The following CNTN5 variants were observed in gnomAD, a reference collection of about 807,000 sequenced individuals.
The protein encoded by CNTN5 is contactin-5.
CNTN5 carries 77 observed loss-of-function variants against 129.1 expected under a neutral mutation model. That is an observed-to-expected ratio of 0.60 (90% CI 0.50 to 0.72). The LOEUF is 0.72. CNTN5 is among the 30% of genes least tolerant of loss of function. The pLI is 0.00. For synonymous variants in CNTN5, 509 were observed against 465.6 expected (o/e 1.09, Z -1.20); for missense variants, 1,478 against 1,328.8 (o/e 1.11, Z -1.75).
chr11:99,175,686 T>A (rs894211649), intron 1 of CNTN5, among the ~76,000 whole-genome samples: 1 of 152,158 alleles, frequency 6.6e-6, no homozygotes, highest in African/African-American at 2.4e-5. Flanking sequence ...AAACTTTCCC[T>A]ATTGATGGAC....
intron 2 of CNTN5, among the ~76,000 whole-genome samples, chr11:99,440,693 T>G (rs2135146489): frequency 6.6e-6 from 1 of 152,220 alleles, no homozygotes; most frequent in South Asian, 2.1e-4. Context: ...TCTGGATGCT[T>G]AATATTTGGC....
intron 15 of CNTN5, among the ~76,000 whole-genome samples, chr11:100,218,708 A>G (rs892181981): frequency 6.6e-6 from 1 of 152,246 alleles, no homozygotes; most frequent in South Asian, 2.1e-4. Context: ...AGGTCTTAAC[A>G]TATGAGATAT....
intron 1 of CNTN5, among the ~76,000 whole-genome samples, chr11:99,174,318 G>C (rs1307312516): frequency 6.6e-6 from 1 of 152,084 alleles, no homozygotes; most frequent in African/African-American, 2.4e-5. Flanking sequence ...CTAAGACACT[G>C]TTTCCTCTGT....
chr11:100,187,752 C>T (rs996116317), intron 13 of CNTN5, among the ~76,000 whole-genome samples: 2 of 152,118 alleles, frequency 1.3e-5, no homozygotes, highest in Non-Finnish European at 2.9e-5. Context: ...AAGAATGAAA[C>T]TGGACCCCTA....
At chr11:100,040,008 G>A (rs1296071251) in intron 9 of CNTN5, among the ~76,000 whole-genome samples, 1 of 152,170 alleles carries the variant, frequency 6.6e-6, no homozygotes, top group East Asian at 1.9e-4. Flanking sequence ...TCTGTTGCTG[G>A]TGAGGAGCTG....
rs528349462 is a variant in CNTN5, at chr11:99,947,088, G to T, written c.674-9718G>T. On this transcript the variant is annotated intron_variant, in intron 7 of 24. Coordinates refer to ENST00000524871, the MANE Select transcript of CNTN5 (RefSeq NM_014361.4). ...ACAAAATTAGAAAAAATATAAACAT[G>T]ATTATAAAAATTAAAAACTATGTGA... 8.9e-5 allele frequency among the ~76,000 whole-genome samples: 13 copies of T among 145,754 alleles called. No individual in the cohort carries two copies. In the East Asian group the frequency reaches 2.6e-3, roughly 29 times the overall value.
At chr11:100,021,261 T>TA (rs1941127295) in intron 9 of CNTN5, among the ~76,000 whole-genome samples, 3 of 152,302 alleles carry the variant, frequency 2.0e-5, no homozygotes, top group Middle Eastern at 3.4e-3. Context: ...GTAAATGACT[T>TA]ATGTGCACAT....
rs532319633 is a variant in CNTN5, at chr11:99,351,360, A to T, written c.-71+25876A>T. The stretch of plus-strand genomic sequence containing the variant: ...AGACACTAATGCTTACAGAGTCTGA[A>T]CAACTTTCCCTGCCAAGCTTGTGCA... On this transcript the variant is annotated intron_variant, in intron 2 of 24. Transcript: ENST00000524871. 2.5e-4 allele frequency among the ~76,000 whole-genome samples: 38 copies of T among 152,336 alleles called. 1 individual carries two copies. Among genetic ancestry groups the T allele is most frequent in the Admixed American group, 2.2e-3 (34 of 15,306 alleles).
At chr11:99,141,806 G>A (rs1859529543) in intron 1 of CNTN5, among the ~76,000 whole-genome samples, 1 of 152,084 alleles carries the variant, frequency 6.6e-6, no homozygotes, top group Non-Finnish European at 1.5e-5. Context: ...GAATGGTTTT[G>A]AGAAACCCGC....
chr11:99,868,229 A>C (rs534526226), intron 6 of CNTN5, among the ~76,000 whole-genome samples: 1 of 152,244 alleles, frequency 6.6e-6, no homozygotes, highest in South Asian at 2.1e-4. Context: ...AAAAAAAAAA[A>C]AACAAAAAAT....
intron 2 of CNTN5, among the ~76,000 whole-genome samples, chr11:99,339,830 G>T (rs963543933): frequency 9.2e-5 from 14 of 151,702 alleles, no homozygotes; most frequent in Admixed American, 8.5e-4. Context: ...GTATTTGATT[G>T]GACTAGAGAA....
intron 7 of CNTN5, among the ~76,000 whole-genome samples, chr11:99,953,528 A>C (rs192200179): frequency 6.6e-6 from 1 of 152,286 alleles, no homozygotes; most frequent in African/African-American, 2.4e-5. Context: ...TAAGAACTAA[A>C]ATCCAAAGTA....
At chr11:99,789,162 G>T (rs1359255920) in intron 3 of CNTN5, among the ~76,000 whole-genome samples, 3 of 151,868 alleles carry the variant, frequency 2.0e-5, no homozygotes, top group African/African-American at 7.2e-5. Flanking sequence ...TAAAGCTGTT[G>T]TAGCAATATT....
intron 3 of CNTN5, among the ~76,000 whole-genome samples, chr11:99,742,475 A>T (rs890211095): frequency 6.6e-6 from 1 of 152,190 alleles, no homozygotes; most frequent in Non-Finnish European, 1.5e-5. Context: ...TTTGAATGAC[A>T]GCTTTAAGTG....
intron 6 of CNTN5, among the ~76,000 whole-genome samples, chr11:99,858,214 C>G (rs960301542): frequency 1.3e-5 from 2 of 152,102 alleles, no homozygotes; most frequent in Non-Finnish European, 2.9e-5. Context: ...AGGATCACAT[C>G]TGTCACAACA....
intron 3 of CNTN5, among the ~76,000 whole-genome samples, chr11:99,749,081 T>C (rs145897201): frequency 4.4e-4 from 67 of 151,856 alleles, no homozygotes; most frequent in African/African-American, 1.4e-3. Context: ...CATTCAGGCA[T>C]GATGGTGATG....
chr11:99,453,669 AC>A (rs1199496508), intron 2 of CNTN5, among the ~76,000 whole-genome samples: 1 of 152,212 alleles, frequency 6.6e-6, no homozygotes, highest in Non-Finnish European at 1.5e-5. Flanking sequence ...TATTTTTGCT[AC>A]CCTGAACCTG....
intron 16 of CNTN5, among the ~76,000 whole-genome samples, chr11:100,245,801 C>T (rs183119423): frequency 6.6e-6 from 1 of 152,188 alleles, no homozygotes; most frequent in East Asian, 1.9e-4. Flanking sequence ...CCCGGAGCCA[C>T]TTAAGGAATG....
intron 3 of CNTN5, among the ~76,000 whole-genome samples, chr11:99,754,548 G>A (rs1944348615): frequency 1.3e-5 from 2 of 152,300 alleles, no homozygotes; most frequent in South Asian, 4.1e-4. Context: ...CCTAAGAGAA[G>A]TTGTGGTATA....
Sources: allele counts gnomAD v4.1 joint callset (sites outside exome capture counted in the v4.1 genomes callset), GRCh38; gene constraint gnomAD v4.1.1; transcripts MANE v1.5; gene names NCBI Gene and HGNC (gene_info 2026-07-23, HGNC 2026-07-21).